Variants in ANKRD13C observed in about 807,000 individuals in gnomAD.
ANKRD13C encodes the protein ankyrin repeat domain 13C.
Under a neutral mutation model 65.5 loss-of-function variants are expected in ANKRD13C, and 16 were observed. The ratio of observed to expected loss-of-function variants is 0.24; its 90% confidence interval spans 0.17 to 0.37. The LOEUF is 0.37. Among genes scored for constraint, ANKRD13C ranks in the 10% least tolerant of loss-of-function variants. The pLI, the probability that ANKRD13C is intolerant of heterozygous loss-of-function variation, is 1.00. For synonymous variants in ANKRD13C, 235 were observed against 238.7 expected (o/e 0.98, Z 0.14); for missense variants, 503 against 655.9 (o/e 0.77, Z 2.55).
intron 7 of ANKRD13C, among the ~76,000 whole-genome samples, chr1:70,299,247 G>A (rs568445267): frequency 2.0e-5 from 3 of 152,192 alleles, no homozygotes; most frequent in Non-Finnish European, 4.4e-5. Flanking sequence ...AAACTGCCAA[G>A]AGTGCAGTAT....
intron 5 of ANKRD13C, 82 bp from the exon 6 acceptor site, chr1:70,306,372 T>C: frequency 1.3e-6 from 1 of 767,454 alleles, no homozygotes; most frequent in Non-Finnish European, 2.1e-6. Flanking sequence ...AAGAGTAATG[T>C]GACATTCTGT....
chr1:70,264,442 C>T (rs1004272086), intron 12 of ANKRD13C, among the ~76,000 whole-genome samples: 12 of 126,122 alleles, frequency 9.5e-5, no homozygotes, highest in Middle Eastern at 7.2e-3. Context: ...CGCCACTACA[C>T]TAGAGCCTGG....
chr1:70,337,519 T>TG (rs1682094307), intron 1 of ANKRD13C, among the ~76,000 whole-genome samples: 1 of 151,874 alleles, frequency 6.6e-6, no homozygotes, highest in African/African-American at 2.4e-5. Context: ...AGACAGAGGT[T>TG]GCAGTGAGCC....
At chr1:70,293,109 G>A (rs1679928804) in intron 8 of ANKRD13C, among the ~76,000 whole-genome samples, 1 of 152,058 alleles carries the variant, frequency 6.6e-6, no homozygotes, top group Non-Finnish European at 1.5e-5. Context: ...AAAGAAAAGA[G>A]GAAAAGAGTA....
At chr1:70,296,063 C>T in intron 8 of ANKRD13C, 67 bp downstream of exon 8, 1 of 1,539,066 alleles carries the variant, frequency 6.5e-7, no homozygotes, top group Non-Finnish European at 8.8e-7. Flanking sequence ...GCATTTCCAT[C>T]ACGTTATTTT....
chr1:70,312,006 G>A (rs2101452496), intron 5 of ANKRD13C, among the ~76,000 whole-genome samples: 1 of 152,114 alleles, frequency 6.6e-6, no homozygotes, highest in Middle Eastern at 3.4e-3. Context: ...TCTCAAGACA[G>A]TAGAAAACTA....
intron 2 of ANKRD13C, among the ~76,000 whole-genome samples, chr1:70,334,601 C>A (rs1423188290): frequency 6.6e-6 from 1 of 151,940 alleles, no homozygotes; most frequent in Non-Finnish European, 1.5e-5. Flanking sequence ...TGCACTCCAC[C>A]CTGGGGAACA....
At chr1:70,337,310 G>A (rs920662303) in intron 1 of ANKRD13C, among the ~76,000 whole-genome samples, 1 of 152,136 alleles carries the variant, frequency 6.6e-6, no homozygotes, top group African/African-American at 2.4e-5. Flanking sequence ...GGCCGGGCAC[G>A]GTGGCTCACG....
intron 2 of ANKRD13C, among the ~76,000 whole-genome samples, chr1:70,330,006 C>T (rs1681714367): frequency 6.6e-6 from 1 of 150,422 alleles, no homozygotes; most frequent in South Asian, 2.1e-4. Context: ...AGGAGAATCA[C>T]TTGAAACCAG....
rs1322214024 is a variant in ANKRD13C at position 70,276,761 on chromosome 1, T to C, written c.1295+4A>G. On this transcript the variant is annotated splice_donor_region_variant and intron_variant, in intron 10 of 12. Transcript: ENST00000370944. The stretch of plus-strand genomic sequence containing the variant: ...AATAACACATAAACAAGAAAAAAAC[T>C]TACTTTCCATTTTCAGCAGATATAT... 6.3e-7 allele frequency: 1 copy of C among 1,586,688 alleles called. No homozygotes were observed. The highest frequency in any genetic ancestry group is 8.6e-7 in the Non-Finnish European group (1 of 1,169,218).
chr1:70,262,122 T>C lies in ANKRD13C; in HGVS notation c.*595A>G, dbSNP rs1416818770. On this transcript the variant is annotated 3_prime_UTR_variant, in exon 13 of 13. Coordinates refer to ENST00000370944, the MANE Select transcript of ANKRD13C (RefSeq NM_030816.5). Reference sequence around the variant, plus strand: ...ATTGCAACATATAAATGCAATTGTTTAATGGTTACCATTTGGTTCATTCAT... The same window carrying C: ...ATTGCAACATATAAATGCAATTGTTCAATGGTTACCATTTGGTTCATTCAT... The C allele has an allele frequency of 6.6e-6, 1 of 152,640 alleles. No homozygotes were observed. The highest frequency in any genetic ancestry group is 1.9e-4 in the East Asian group (1 of 5,198). 9.5% of individuals were successfully genotyped at this position (152,640 alleles called of 1,614,324 possible). A position where few individuals can be genotyped will look rare whatever the true frequency, so the allele number is the denominator to read the frequency against.
Position 70,259,181 on chromosome 1 carries a change from T to A in ANKRD13C, c.*3536A>T, listed in dbSNP as rs1265101182. Among the ~76,000 whole-genome samples, 1 of 152,200 alleles carries A rather than the reference T, an allele frequency of 6.6e-6. No homozygotes were observed. Among genetic ancestry groups the A allele is most frequent in the African/African-American group, 2.4e-5 (1 of 41,444 alleles). On this transcript the variant is annotated 3_prime_UTR_variant, in exon 13 of 13. Transcript: ENST00000370944. ...ATTTAGAACATCCCAATTACTGTCA[T>A]CCTTCTTTAGTCATCAAGAACTCTA...
chr1:70,336,114 A>G lies in ANKRD13C; in HGVS notation c.431-15T>C, dbSNP rs777120015. ...AGGAGTATTTCCTAAAAAAAATAAAATAAAATAAATAAATTAGAAGGTGTA... is the reference window on the plus strand; with the variant it reads ...AGGAGTATTTCCTAAAAAAAATAAAGTAAAATAAATAAATTAGAAGGTGTA... On this transcript the variant is annotated splice_polypyrimidine_tract_variant and intron_variant, in intron 1 of 12. Coordinates refer to ENST00000370944, the MANE Select transcript of ANKRD13C (RefSeq NM_030816.5). The G allele has an allele frequency of 2.9e-6, 2 of 682,922 alleles. No individual in the cohort carries two copies. The highest frequency in any genetic ancestry group is 4.6e-5 in the Admixed American group (1 of 21,784). The allele number at this position is 682,922 out of a possible 1,614,324, so 42.3% of individuals were successfully genotyped here. A position where few individuals can be genotyped will look rare whatever the true frequency, so the allele number is the denominator to read the frequency against.
chr1:70,344,295 CAAAAA>C (rs1169730172), intron 1 of ANKRD13C, among the ~76,000 whole-genome samples: 2 of 85,654 alleles, frequency 2.3e-5, no homozygotes, highest in Non-Finnish European at 4.7e-5. Flanking sequence ...GATTCCATCT[CAAAAA>C]AAAAAAAAAA....
At chr1:70,342,342 A>G (rs899910557) in intron 1 of ANKRD13C, among the ~76,000 whole-genome samples, 1 of 152,160 alleles carries the variant, frequency 6.6e-6, no homozygotes, top group African/African-American at 2.4e-5. Flanking sequence ...GTTCGAGATC[A>G]GCCTGACCAA....
At chr1:70,280,030 A>T (rs1679319486) in intron 9 of ANKRD13C, among the ~76,000 whole-genome samples, 1 of 152,174 alleles carries the variant, frequency 6.6e-6, no homozygotes, top group Non-Finnish European at 1.5e-5. Context: ...AGCCTGAAAA[A>T]GCCATAAATT....
At position 70,300,769 on chromosome 1, in the gene ANKRD13C, G is replaced by A; in HGVS notation, c.916C>T (p.His306Tyr). ...TGATAAGACAACATGCTCACCTCAT[G>A]ATGTATTCGCTGATAAACTTTTTGT... ...NEQKVYQRIHHEESEMETEEE... is the reference protein window; with the variant it reads ...NEQKVYQRIHYEESEMETEEE... Residue 306 changes from histidine to tyrosine, a missense_variant, in exon 7 of 13, where the codon CAT becomes TAT. Coordinates refer to ENST00000370944, the MANE Select transcript of ANKRD13C (RefSeq NM_030816.5). The A allele has an allele frequency of 6.2e-7, 1 of 1,605,864 alleles. No homozygotes were observed. The highest frequency in any genetic ancestry group is 8.5e-7 in the Non-Finnish European group (1 of 1,177,020).
At chr1:70,314,873 C>T (rs1681008101) in intron 4 of ANKRD13C, among the ~76,000 whole-genome samples, 1 of 152,232 alleles carries the variant, frequency 6.6e-6, no homozygotes, top group South Asian at 2.1e-4. Context: ...ACAAACCACT[C>T]TCTTTTGTGT....
At chr1:70,317,574 T>A (rs996403026) in intron 3 of ANKRD13C, among the ~76,000 whole-genome samples, 5 of 152,112 alleles carry the variant, frequency 3.3e-5, no homozygotes, top group Non-Finnish European at 5.9e-5. Flanking sequence ...GTAAAAAAAA[T>A]TTTTCTGGTC....
Sources: gnomAD v4.1 joint callset for allele counts (sites outside exome capture counted in the v4.1 genomes callset) on GRCh38, gnomAD v4.1.1 for gene constraint, MANE v1.5 for transcripts, NCBI Gene and HGNC (gene_info 2026-07-23, HGNC 2026-07-21) for gene names.